BAZ2B: variants seen among roughly 807,000 people sequenced by gnomAD.
The protein encoded by BAZ2B is bromodomain adjacent to zinc finger domain 2B.
A neutral mutation model predicts 246.0 loss-of-function variants in BAZ2B; 91 were observed. That is an observed-to-expected ratio of 0.37 (90% CI 0.31 to 0.44). The LOEUF (loss-of-function observed/expected upper bound fraction) is 0.44, where lower values mean the gene tolerates loss of function less well. Ranked by LOEUF, BAZ2B falls within the 20% of genes least tolerant of loss-of-function variation. The pLI, the probability that BAZ2B is intolerant of heterozygous loss-of-function variation, is 1.00. For missense variants in BAZ2B, 2,332 were observed against 2,533.7 expected (o/e 0.92, Z 1.71); for synonymous variants, 855 against 860.0 (o/e 0.99, Z 0.10).
At chr2:159,590,977 T>C (rs997873304) in intron 1 of BAZ2B, among the ~76,000 whole-genome samples, 7 of 152,178 alleles carry the variant, frequency 4.6e-5, no homozygotes, top group African/African-American at 1.7e-4. Flanking sequence ...TATGCTTACA[T>C]TTAATAGTAT....
the BAZ2B span, among the ~76,000 whole-genome samples, chr2:159,704,078 G>A: frequency 6.6e-6 from 1 of 152,160 alleles, no homozygotes; most frequent in Non-Finnish European, 1.5e-5. Flanking sequence ...CTTCTATACT[G>A]TCCTTGGTAT....
At chr2:159,485,331 C>A (rs975676514) in intron 2 of BAZ2B, among the ~76,000 whole-genome samples, 1 of 151,854 alleles carries the variant, frequency 6.6e-6, no homozygotes, top group Non-Finnish European at 1.5e-5. Flanking sequence ...AGACAGCAGA[C>A]AAAATTATTC....
chr2:159,342,334 T>C lies in BAZ2B; in HGVS notation c.5455-4562A>G, dbSNP rs1353181397. Among the ~76,000 whole-genome samples, 3 of 152,308 alleles carry C rather than the reference T, an allele frequency of 2.0e-5. No homozygotes were observed. In the East Asian group the frequency reaches 5.8e-4, roughly 29 times the overall value. On this transcript the variant is annotated intron_variant, in intron 31 of 36. Coordinates refer to ENST00000392783, the MANE Select transcript of BAZ2B (RefSeq NM_013450.4). ...AGAAAAAACTATTGAAAAGTTCATA[T>C]AGAACCAAAAGAGAGCCCAAATAGC...
At chr2:159,658,260 G>C in the BAZ2B span, among the ~76,000 whole-genome samples, 2 of 152,078 alleles carry the variant, frequency 1.3e-5, no homozygotes, top group Non-Finnish European at 2.9e-5. Context: ...TGCATAACTG[G>C]AATAAATACC....
At chr2:159,468,111 A>T (rs535848887) in intron 3 of BAZ2B, among the ~76,000 whole-genome samples, 172 of 152,304 alleles carry the variant, frequency 1.1e-3, no homozygotes, top group Non-Finnish European at 2.1e-3. Flanking sequence ...GGTCAGCACA[A>T]ACTAGCTGGC....
At chr2:159,406,076 T>C (rs927239793) in intron 14 of BAZ2B, among the ~76,000 whole-genome samples, 1 of 152,234 alleles carries the variant, frequency 6.6e-6, no homozygotes, top group East Asian at 1.9e-4. Flanking sequence ...TCATTTCTCC[T>C]TTTATCCATG....
At chr2:159,551,836 G>A (rs1341486113) in intron 2 of BAZ2B, among the ~76,000 whole-genome samples, 4 of 152,126 alleles carry the variant, frequency 2.6e-5, no homozygotes, top group Admixed American at 6.5e-5. Flanking sequence ...ATATTGATGA[G>A]TATGATGAGG....
At chr2:159,433,891 C>T (rs1440881045) in intron 8 of BAZ2B, 2 of 153,604 alleles carry the variant, frequency 1.3e-5, no homozygotes, top group Non-Finnish European at 2.9e-5. Flanking sequence ...AGATACAATA[C>T]ACCTAACCTA....
intron 1 of BAZ2B, among the ~76,000 whole-genome samples, chr2:159,590,473 C>T (rs989360341): frequency 1.3e-5 from 2 of 151,770 alleles, no homozygotes; most frequent in Non-Finnish European, 2.9e-5. Context: ...CGCCTATAAT[C>T]TCAGCTACTA....
intron 6 of BAZ2B, among the ~76,000 whole-genome samples, chr2:159,440,258 TAAAG>T (rs2073129774): frequency 6.6e-6 from 1 of 152,114 alleles, no homozygotes; most frequent in African/African-American, 2.4e-5. Context: ...CATTTGCTGA[TAAAG>T]AACAAAATAT....
chr2:159,608,411 T>C (rs1211431572), intron 1 of BAZ2B, among the ~76,000 whole-genome samples: 2 of 152,156 alleles, frequency 1.3e-5, no homozygotes, highest in African/African-American at 2.4e-5. Context: ...ATCCAGTCCA[T>C]TAACTCACCC....
intron 2 of BAZ2B, among the ~76,000 whole-genome samples, chr2:159,515,042 T>C (rs1339485442): frequency 6.6e-6 from 1 of 152,040 alleles, no homozygotes; most frequent in Non-Finnish European, 1.5e-5. Context: ...GGAGTCTATT[T>C]ACATTATCCC....
At chr2:159,376,237 C>G (rs968616908) in intron 25 of BAZ2B, among the ~76,000 whole-genome samples, 3 of 152,008 alleles carry the variant, frequency 2.0e-5, no homozygotes, top group South Asian at 2.1e-4. Context: ...TGAAAGTAAC[C>G]AACAGTGTTC....
At chr2:159,388,454 T>A (rs1022320872) in intron 21 of BAZ2B, among the ~76,000 whole-genome samples, 3 of 152,146 alleles carry the variant, frequency 2.0e-5, no homozygotes, top group Non-Finnish European at 2.9e-5. Context: ...GGTGCTTTGG[T>A]TGGACACAGT....
At chr2:159,325,095 TATATATATATATATATATATTTTATA>T (rs2063418016) in intron 35 of BAZ2B, 141 bp from the exon 36 acceptor site, 1 of 2,366 alleles carries the variant, frequency 4.2e-4, no homozygotes, top group African/African-American at 2.2e-3. Context: ...ATATATATTA[TATATATATATATATATATATTTTATA>T]TATATATATA....
intron 1 of BAZ2B, among the ~76,000 whole-genome samples, chr2:159,588,544 G>A (rs1559847398): frequency 6.6e-6 from 1 of 152,044 alleles, no homozygotes; most frequent in East Asian, 1.9e-4. Context: ...TCTTAAATAT[G>A]ACCATAGTCC....
the BAZ2B span, among the ~76,000 whole-genome samples, chr2:159,702,897 G>C: frequency 1.3e-5 from 2 of 151,650 alleles, no homozygotes; most frequent in Non-Finnish European, 2.9e-5. Context: ...AAAATTAGCT[G>C]GGCGTGGTGG....
chr2:159,372,772 A>C (rs2060991967), intron 27 of BAZ2B, among the ~76,000 whole-genome samples: 1 of 152,234 alleles, frequency 6.6e-6, no homozygotes, highest in African/African-American at 2.4e-5. Context: ...CAGCTATAAA[A>C]GGTAATATAG....
At chr2:159,472,154 C>T (rs1475131096) in intron 3 of BAZ2B, among the ~76,000 whole-genome samples, 3 of 152,174 alleles carry the variant, frequency 2.0e-5, no homozygotes, top group Admixed American at 2.0e-4. Flanking sequence ...TTATAGTTCT[C>T]CTTGAAGAGG....
Sources: gnomAD v4.1 joint callset for allele counts (sites outside exome capture counted in the v4.1 genomes callset) on GRCh38, gnomAD v4.1.1 for gene constraint, MANE v1.5 for transcripts, NCBI Gene and HGNC (gene_info 2026-07-23, HGNC 2026-07-21) for gene names.